The following LINGO2 variants were observed in gnomAD, a reference collection of about 807,000 sequenced individuals.
LINGO2 encodes leucine-rich repeat and immunoglobulin-like domain-containing nogo receptor-interacting protein 2.
Under a neutral mutation model 30.6 loss-of-function variants are expected in LINGO2, and 14 were observed. That is an observed-to-expected ratio of 0.46 (90% CI 0.30 to 0.72). The LOEUF (loss-of-function observed/expected upper bound fraction) is 0.72. Ranked by LOEUF, LINGO2 falls within the 30% of genes least tolerant of loss-of-function variation. The pLI, the probability that LINGO2 is intolerant of heterozygous loss-of-function variation, is 0.07. For synonymous variants in LINGO2, 317 were observed against 288.5 expected (o/e 1.10, Z -1.00); for missense variants, 729 against 751.7 (o/e 0.97, Z 0.35).
At chr9:29,071,519 G>GTATA in the LINGO2 span, among the ~76,000 whole-genome samples, 1 of 75,182 alleles carries the variant, frequency 1.3e-5, no homozygotes, top group African/African-American at 6.1e-5. Flanking sequence ...ATATATATAT[G>GTATA]TATATGTATA....
At chr9:28,138,406 A>AC (rs1372205789) in intron 4 of LINGO2, among the ~76,000 whole-genome samples, 1 of 152,220 alleles carries the variant, frequency 6.6e-6, no homozygotes, top group Non-Finnish European at 1.5e-5. Context: ...ATAAGACAAC[A>AC]AGTCGATGAC....
At chr9:28,849,243 C>A in the LINGO2 span, among the ~76,000 whole-genome samples, 1 of 103,664 alleles carries the variant, frequency 9.6e-6, no homozygotes, top group African/African-American at 3.8e-5. Context: ...GCATAGGAAG[C>A]TGCAAACACC....
intron 4 of LINGO2, among the ~76,000 whole-genome samples, chr9:28,035,702 T>A (rs752481792): frequency 1.6e-4 from 25 of 152,224 alleles, no homozygotes; most frequent in Non-Finnish European, 3.2e-4. Context: ...AGAATTGAAG[T>A]GAAATACATC....
chr9:28,480,453 G>A (rs935366296), intron 1 of LINGO2, among the ~76,000 whole-genome samples: 1 of 151,996 alleles, frequency 6.6e-6, no homozygotes, highest in Admixed American at 6.6e-5. Flanking sequence ...CATGGCAGAA[G>A]ACACAAACAT....
the LINGO2 span, among the ~76,000 whole-genome samples, chr9:28,861,388 G>T: frequency 1.5e-5 from 2 of 136,680 alleles, no homozygotes; most frequent in African/African-American, 5.5e-5. Flanking sequence ...AATCTTGTTG[G>T]TTCTGTTCTC....
At chr9:29,208,754 C>A in the LINGO2 span, among the ~76,000 whole-genome samples, 1 of 152,018 alleles carries the variant, frequency 6.6e-6, no homozygotes, top group Admixed American at 6.5e-5. Flanking sequence ...AACACTGAGC[C>A]TTAGAAAAAA....
chr9:28,510,751 G>T (rs1048420548), intron 1 of LINGO2, among the ~76,000 whole-genome samples: 22 of 151,718 alleles, frequency 1.5e-4, no homozygotes, highest in Non-Finnish European at 2.8e-4. Flanking sequence ...TTCTCTAGAG[G>T]GACCTTGACT....
At chr9:28,328,867 T>C (rs1587476134) in intron 3 of LINGO2, among the ~76,000 whole-genome samples, 1 of 152,284 alleles carries the variant, frequency 6.6e-6, no homozygotes, top group African/African-American at 2.4e-5. Context: ...ACAGTCAAAA[T>C]TCTGAAGATT....
At chr9:29,104,829 G>T in the LINGO2 span, among the ~76,000 whole-genome samples, 9 of 152,048 alleles carry the variant, frequency 5.9e-5, no homozygotes, top group Admixed American at 1.3e-4. Context: ...TCTTATGAAG[G>T]TCAAATTTCT....
chr9:29,026,679 G>A, the LINGO2 span, among the ~76,000 whole-genome samples: 1 of 152,076 alleles, frequency 6.6e-6, no homozygotes, highest in African/African-American at 2.4e-5. Flanking sequence ...GAATTTATTT[G>A]TATTCTTCCT....
chr9:28,665,953 C>T (rs904668506), intron 1 of LINGO2, among the ~76,000 whole-genome samples: 3 of 146,650 alleles, frequency 2.0e-5, no homozygotes, highest in African/African-American at 5.1e-5. Context: ...AGTGCAATGG[C>T]GCGATCTCGG....
At chr9:28,521,419 T>G (rs1820825121) in intron 1 of LINGO2, among the ~76,000 whole-genome samples, 1 of 152,146 alleles carries the variant, frequency 6.6e-6, no homozygotes, top group African/African-American at 2.4e-5. Flanking sequence ...AATAGATTCA[T>G]GAGGCCCTAT....
chr9:28,483,303 A>G (rs1464920185), intron 1 of LINGO2, among the ~76,000 whole-genome samples: 1 of 152,080 alleles, frequency 6.6e-6, no homozygotes, highest in Non-Finnish European at 1.5e-5. Context: ...TACTGCAGGC[A>G]TTTTGGAAAT....
chr9:28,317,963 C>T (rs1413693254), intron 3 of LINGO2, among the ~76,000 whole-genome samples: 1 of 152,168 alleles, frequency 6.6e-6, no homozygotes, highest in Admixed American at 6.5e-5. Flanking sequence ...AATGGCCATT[C>T]TCTCAGACAT....
At chr9:28,733,596 G>C in the LINGO2 span, among the ~76,000 whole-genome samples, 1 of 152,056 alleles carries the variant, frequency 6.6e-6, no homozygotes, top group Non-Finnish European at 1.5e-5. Context: ...CACCTTGAAA[G>C]CATGATTCCT....
chr9:28,913,336 T>C, the LINGO2 span, among the ~76,000 whole-genome samples: 1 of 152,120 alleles, frequency 6.6e-6, no homozygotes, highest in Non-Finnish European at 1.5e-5. Context: ...AAATCATGGT[T>C]TAGCTAGTCT....
intron 3 of LINGO2, among the ~76,000 whole-genome samples, chr9:28,326,902 G>A (rs1275672368): frequency 6.6e-6 from 1 of 152,070 alleles, no homozygotes; most frequent in African/African-American, 2.4e-5. Context: ...AGCACTAGGG[G>A]AATGGCTAAG....
chr9:28,162,206 A>C (rs4878769), intron 4 of LINGO2, among the ~76,000 whole-genome samples: 150,941 of 152,198 alleles, frequency 0.99, 74,865 homozygotes, highest in Middle Eastern at 1. Context: ...CAGTCAGAGG[A>C]CATTTCTATC....
rs1285115199 is a variant in LINGO2, at chr9:28,148,279, C to A, written c.-86-135874G>T. On this transcript the variant is annotated intron_variant, in intron 4 of 5. Transcript: ENST00000379992. The surrounding 1 kb of genome is among the most constrained non-coding windows in gnomAD (Gnocchi z 5.1). ...GGGTCCTGTCTCCTGTGGTCTGGAG[C>A]CCCGCCTCAAGGAAGAAACCCATGC... The A allele has an allele frequency of 7.7e-6, 6 of 782,008 alleles. No homozygotes were observed. Among genetic ancestry groups the A allele is most frequent in the Admixed American group, 4.2e-5 (2 of 47,536 alleles). 48.4% of individuals were successfully genotyped at this position (782,008 alleles called of 1,614,324 possible).
Sources: gnomAD v4.1 joint callset for allele counts (sites outside exome capture counted in the v4.1 genomes callset) on GRCh38, gnomAD v4.1.1 for gene constraint, Gnocchi (gnomAD v3.1) non-coding constraint, MANE v1.5 for transcripts, NCBI Gene and HGNC (gene_info 2026-07-23, HGNC 2026-07-21) for gene names.